ISCA1: variants seen among roughly 807,000 people sequenced by gnomAD.
The protein encoded by ISCA1 is iron-sulfur cluster assembly 1.
A neutral mutation model predicts 14.7 loss-of-function variants in ISCA1; 9 were observed. That is an observed-to-expected ratio of 0.61 (90% CI 0.37 to 1.07). The LOEUF is 1.07. Among genes scored for constraint, ISCA1 ranks in the 50% least tolerant of loss-of-function variants. The probability of loss-of-function intolerance (pLI) is 0.01; values close to 1 mark genes in which losing one functional copy is unlikely to be tolerated. For missense variants in ISCA1, 102 were observed against 150.1 expected (o/e 0.68, Z 1.67); for synonymous variants, 38 against 54.3 (o/e 0.70, Z 1.32).
chr9:86,282,240 T>C, intron 1 of ISCA1, 138 bp downstream of exon 1: 1 of 902,574 alleles, frequency 1.1e-6, no homozygotes. Context: ...GCGGCGAGGC[T>C]GTGCGGCGGG....
At chr9:86,281,128 G>A (rs1380805641) in intron 1 of ISCA1, among the ~76,000 whole-genome samples, 1 of 152,110 alleles carries the variant, frequency 6.6e-6, no homozygotes, top group African/African-American at 2.4e-5. Context: ...AATGAGTTGT[G>A]CCCTCTAGTT....
rs73486980 is a variant in ISCA1, at chr9:86,268,304, G to A, written c.242-2113C>T. 3.4e-3 allele frequency among the ~76,000 whole-genome samples: 519 copies of A among 152,030 alleles called. 3 individuals are homozygous for A. The highest frequency in any genetic ancestry group is 0.012 in the African/African-American group (501 of 41,452). ...ACCCTGTGGAGGCCTAAGTTAATAC[G>A]TGTGTTTTTGTCTTAGTTTTTAATT... On this transcript the variant is annotated intron_variant, in intron 3 of 3. Coordinates refer to ENST00000375991, the MANE Select transcript of ISCA1 (RefSeq NM_030940.4).
chr9:86,276,966 C>T (rs763789741), intron 1 of ISCA1, among the ~76,000 whole-genome samples: 7 of 148,920 alleles, frequency 4.7e-5, no homozygotes, highest in Non-Finnish European at 1.0e-4. Context: ...CTGAGTGGAT[C>T]AAAGGCACAG....
Position 86,282,508 on chromosome 9 carries a change from A to C in ISCA1, c.-50T>G. 1 of 1,549,796 alleles carries C rather than the reference A, an allele frequency of 6.5e-7. No individual in the cohort carries two copies. On this transcript the variant is annotated 5_prime_UTR_variant, in exon 1 of 4. An upstream open reading frame in the 5' UTR loses its in-frame stop. Coordinates refer to ENST00000375991, the MANE Select transcript of ISCA1 (RefSeq NM_030940.4). The stretch of plus-strand genomic sequence containing the variant: ...CCTCGGGCCGAAGGTCGGCCGCCTC[A>C]GCTTCTCTCCATGGACACGGCGGGC...
chr9:86,276,062 G>A lies in ISCA1; in HGVS notation c.82-1820C>T, dbSNP rs4877312. ...TGCACTTTATTTCTATTATTACATTGTAATATATAATGAAATAATTATATA... is the reference window on the plus strand; with the variant it reads ...TGCACTTTATTTCTATTATTACATTATAATATATAATGAAATAATTATATA... On this transcript the variant is annotated intron_variant, in intron 1 of 3. Transcript: ENST00000375991. 0.027 allele frequency among the ~76,000 whole-genome samples: 4,143 copies of A among 152,066 alleles called. 393 individuals are homozygous for A. The East Asian group carries it at 0.34, about 13-fold the overall frequency.
At position 86,282,244 on chromosome 9, in the gene ISCA1, C is replaced by G. The variant is rs529406278; in HGVS notation, c.81+134G>C. On this transcript the variant is annotated intron_variant, in intron 1 of 3. Transcript: ENST00000375991. ...AGGCGAAGGAGGCGGCGAGGCTGTG[C>G]GGCGGGTCGGAGCGACGCCGAGGTC... The G allele has an allele frequency of 1.3e-3, 1,252 of 941,116 alleles. 2 individuals carry two copies. Among genetic ancestry groups the G allele is most frequent in the Non-Finnish European group, 1.8e-3 (1,165 of 648,036 alleles). 58.3% of individuals were successfully genotyped at this position (941,116 alleles called of 1,614,324 possible). A position where few individuals can be genotyped will look rare whatever the true frequency, so the allele number is the denominator to read the frequency against.
In ISCA1 at chr9:86,265,635, C is replaced by A; in HGVS notation, c.*408G>T. The A allele has an allele frequency of 4.6e-6, 1 of 217,246 alleles. No homozygotes were observed. The highest frequency in any genetic ancestry group is 9.4e-6 in the Non-Finnish European group (1 of 106,834). The allele number at this position is 217,246 out of a possible 1,614,324, so 13.5% of individuals were successfully genotyped here. A position where few individuals can be genotyped will look rare whatever the true frequency, so the allele number is the denominator to read the frequency against. On this transcript the variant is annotated 3_prime_UTR_variant, in exon 4 of 4. Transcript: ENST00000375991. ...TTAAGTTTGGGTGGAAAAAACAATG[C>A]ACCACCATATTACTACCAGCAGTCA...
rs567588448 is a variant in ISCA1, at chr9:86,271,993, T to A, written c.241+14A>T. 3.4e-6 allele frequency: 5 copies of A among 1,475,434 alleles called. No individual in the cohort carries two copies. The South Asian group carries it at 5.7e-5, about 17-fold the overall frequency. 91.4% of individuals were successfully genotyped at this position (1,475,434 alleles called of 1,614,324 possible). On this transcript the variant is annotated intron_variant, in intron 3 of 3. Coordinates refer to ENST00000375991, the MANE Select transcript of ISCA1 (RefSeq NM_030940.4). ...CAAAACAATGTGCCCAAAAAATGTTTGTTAAAAACTCACCATCTTGAATAA... is the reference window on the plus strand; with the variant it reads ...CAAAACAATGTGCCCAAAAAATGTTAGTTAAAAACTCACCATCTTGAATAA...
At chr9:86,271,842 G>T (rs1311356140) in intron 3 of ISCA1, among the ~76,000 whole-genome samples, 165 bp downstream of exon 3, 1 of 152,150 alleles carries the variant, frequency 6.6e-6, no homozygotes, top group Admixed American at 6.5e-5. Flanking sequence ...TCAGCATTGT[G>T]TATAAATCAG....
At chr9:86,282,118 G>A in intron 1 of ISCA1, 1 of 514,072 alleles carries the variant, frequency 1.9e-6, no homozygotes, top group South Asian at 2.6e-5. Context: ...ATCCCCTCCG[G>A]CCCGCACGCG....
In ISCA1 at chr9:86,267,577, T is replaced by C. The variant is rs1370793905; in HGVS notation, c.242-1386A>G. 3.4e-6 allele frequency: 3 copies of C among 878,430 alleles called. No homozygotes were observed. In the South Asian group the frequency reaches 1.6e-4, roughly 46 times the overall value. 54.4% of individuals were successfully genotyped at this position (878,430 alleles called of 1,614,324 possible). On this transcript the variant is annotated intron_variant, in intron 3 of 3. Transcript: ENST00000375991. Reference sequence around the variant, plus strand: ...AGGGGGCAGCAGCAAATATAATTAATTTTAATTATAAATTAAATTATAATA... The same window carrying C: ...AGGGGGCAGCAGCAAATATAATTAACTTTAATTATAAATTAAATTATAATA...
intron 1 of ISCA1, among the ~76,000 whole-genome samples, chr9:86,275,051 G>T (rs1303485713): frequency 6.6e-6 from 1 of 152,168 alleles, no homozygotes; most frequent in Non-Finnish European, 1.5e-5. Flanking sequence ...TCCTAGCTGT[G>T]CCTCCAGGGC....
chr9:86,265,755 C>T lies in ISCA1; in HGVS notation c.*288G>A. 2.1e-6 allele frequency: 1 copy of T among 465,262 alleles called. No individual in the cohort carries two copies. The allele number at this position is 465,262 out of a possible 1,614,324, so 28.8% of individuals were successfully genotyped here. A position where few individuals can be genotyped will look rare whatever the true frequency, so the allele number is the denominator to read the frequency against. ...TCAATAGCGATCTAAGGAGTGCACA[C>T]AGTTCAGGAAATGGATAAACAGGTG... On this transcript the variant is annotated 3_prime_UTR_variant, in exon 4 of 4. Transcript: ENST00000375991.
chr9:86,273,062 T>C (rs776599531), intron 2 of ISCA1, among the ~76,000 whole-genome samples: 7 of 152,224 alleles, frequency 4.6e-5, no homozygotes, highest in African/African-American at 1.2e-4. Flanking sequence ...GAATTCTTGT[T>C]TCATTAGGCC....
intron 3 of ISCA1, chr9:86,266,873 A>AT (rs149934486): frequency 0.031 from 4,753 of 152,014 alleles, 206 homozygotes; most frequent in African/African-American, 0.094. Flanking sequence ...GGACCAACTA[A>AT]TTTTTTTAGA....
intron 3 of ISCA1, among the ~76,000 whole-genome samples, chr9:86,266,406 G>T (rs911663775): frequency 1.3e-5 from 2 of 152,160 alleles, no homozygotes; most frequent in African/African-American, 4.8e-5. Flanking sequence ...CATTAGGGGA[G>T]AATTTTATAC....
At chr9:86,276,198 T>A (rs1273410420) in intron 1 of ISCA1, among the ~76,000 whole-genome samples, 1 of 151,966 alleles carries the variant, frequency 6.6e-6, no homozygotes, top group Non-Finnish European at 1.5e-5. Flanking sequence ...ATCATTCTCA[T>A]AAGGAGTGCA....
intron 3 of ISCA1, among the ~76,000 whole-genome samples, chr9:86,268,685 T>G (rs1825324277): frequency 6.6e-6 from 1 of 152,068 alleles, no homozygotes; most frequent in Admixed American, 6.5e-5. Context: ...TGTTTTATTT[T>G]CTTCTTCTTC....
intron 1 of ISCA1, 152 bp downstream of exon 1, chr9:86,282,226 G>A: frequency 1.3e-6 from 1 of 774,736 alleles, no homozygotes; most frequent in Non-Finnish European, 2.0e-6. Context: ...CGGAGGCGAA[G>A]GAGGCGGCGA....
Sources: gnomAD v4.1 joint callset for allele counts (sites outside exome capture counted in the v4.1 genomes callset) on GRCh38, gnomAD v4.1.1 for gene constraint, MANE v1.5 for transcripts, NCBI Gene and HGNC (gene_info 2026-07-23, HGNC 2026-07-21) for gene names.